Variants in MED13L observed in about 807,000 individuals in gnomAD.
The protein encoded by MED13L is mediator complex subunit 13L, also known as mediator of RNA polymerase II transcription subunit 13-like.
MED13L carries 7 observed loss-of-function variants against 220.9 expected under a neutral mutation model. The observed-to-expected ratio is 0.03, with a 90% confidence interval of 0.02 to 0.06. The LOEUF (loss-of-function observed/expected upper bound fraction) is 0.06. Among genes scored for constraint, MED13L ranks in the 10% least tolerant of loss-of-function variants. MED13L has a pLI of 1.00. For missense variants in MED13L, 1,965 were observed against 2,760.5 expected, an observed-to-expected ratio of 0.71 and a Z score of 6.46; for synonymous variants, 1,011 against 1,015.2, an observed-to-expected ratio of 1.00 and a Z score of 0.08.
intron 2 of MED13L, among the ~76,000 whole-genome samples, chr12:116,180,930 TC>T (rs1213121722): frequency 4.5e-5 from 5 of 111,406 alleles, no homozygotes; most frequent in Non-Finnish European, 9.0e-5. Flanking sequence ...TTTCTCTCTC[TC>T]TTTTTTTTTT....
rs1872771460 is a variant in MED13L at position 116,265,586 on chromosome 12, T to G, written c.72+11474A>C. Among the ~76,000 whole-genome samples the G allele has an allele frequency of 2.0e-5, 3 of 152,150 alleles. No individual in the cohort carries two copies. In the South Asian group the frequency reaches 6.2e-4, roughly 32 times the overall value. ...TCCAGTTTCTGAAATATTTGTCACTTTAGTCATTAGCATTTTGCGTAATAT... is the reference window on the plus strand; with the variant it reads ...TCCAGTTTCTGAAATATTTGTCACTGTAGTCATTAGCATTTTGCGTAATAT... On this transcript the variant is annotated intron_variant, in intron 1 of 30. Transcript: ENST00000281928.
chr12:116,251,083 T>A (rs1871508207), intron 1 of MED13L, among the ~76,000 whole-genome samples: 1 of 144,584 alleles, frequency 6.9e-6, no homozygotes. Context: ...AATTATTGGA[T>A]AAATAATAAA....
intron 2 of MED13L, among the ~76,000 whole-genome samples, chr12:116,201,982 A>G (rs1440423639): frequency 6.6e-6 from 1 of 152,216 alleles, no homozygotes; most frequent in Non-Finnish European, 1.5e-5. Context: ...TTGAAAATTT[A>G]AAGTTTTAGG....
rs141244423 is a variant in MED13L, at chr12:116,160,416, G to A, written c.311-48904C>T. Among the ~76,000 whole-genome samples the A allele has an allele frequency of 2.2e-3, 340 of 152,156 alleles. 1 individual carries two copies. Among genetic ancestry groups the A allele is most frequent in the Non-Finnish European group, 4.3e-3 (291 of 67,992 alleles). ...CATCATGATAGTGGCCAACTCTCTG[G>A]AGAGCCCTGCAATAGTCACCTGAGA... is the stretch of plus-strand genomic sequence containing the variant. On this transcript the variant is annotated intron_variant, in intron 2 of 30. Transcript: ENST00000281928.
chr12:116,220,101 G>A (rs999984301), intron 2 of MED13L, among the ~76,000 whole-genome samples: 1 of 151,892 alleles, frequency 6.6e-6, no homozygotes, highest in Non-Finnish European at 1.5e-5. Context: ...CAGCCTACCA[G>A]TTTTTAAAAT....
At chr12:116,055,160 G>A (rs1184744148) in intron 4 of MED13L, among the ~76,000 whole-genome samples, 2 of 152,118 alleles carry the variant, frequency 1.3e-5, no homozygotes, top group African/African-American at 4.8e-5. Context: ...CTTTGAGGGG[G>A]AAATGACTAA....
At chr12:116,111,751 C>T (rs1874109906) in intron 2 of MED13L, among the ~76,000 whole-genome samples, 1 of 152,112 alleles carries the variant, frequency 6.6e-6, no homozygotes, top group Non-Finnish European at 1.5e-5. Flanking sequence ...CATGGTGTAA[C>T]ACTCCTCCCA....
At chr12:116,270,527 A>G (rs1483308155) in intron 1 of MED13L, among the ~76,000 whole-genome samples, 1 of 152,174 alleles carries the variant, frequency 6.6e-6, no homozygotes, top group Non-Finnish European at 1.5e-5. Flanking sequence ...TAAAGCAAAG[A>G]CAGAAAACGC....
intron 2 of MED13L, among the ~76,000 whole-genome samples, chr12:116,205,945 T>TG (rs890505996): frequency 4.9e-5 from 7 of 142,920 alleles, no homozygotes; most frequent in East Asian, 2.0e-4. Flanking sequence ...AAAACTTGTT[T>TG]TTTTTTTTTT....
intron 3 of MED13L, among the ~76,000 whole-genome samples, chr12:116,106,593 C>T (rs1362950406): frequency 3.3e-5 from 5 of 151,980 alleles, no homozygotes; most frequent in African/African-American, 4.8e-5. Flanking sequence ...GCCTGTAGTC[C>T]CAGCACTGTG....
At chr12:116,221,687 TTA>T (rs557882063) in intron 2 of MED13L, among the ~76,000 whole-genome samples, 36 of 152,182 alleles carry the variant, frequency 2.4e-4, no homozygotes, top group Non-Finnish European at 5.1e-4. Context: ...AACAGGTTTA[TTA>T]TATATCATGC....
chr12:116,119,689 T>C (rs1361304261), intron 2 of MED13L, among the ~76,000 whole-genome samples: 2 of 150,912 alleles, frequency 1.3e-5, no homozygotes, highest in African/African-American at 4.9e-5. Context: ...CCTGCAGTCC[T>C]AGCTTCCTGG....
intron 1 of MED13L, among the ~76,000 whole-genome samples, chr12:116,258,933 TG>T (rs1159424061): frequency 4.0e-5 from 6 of 151,394 alleles, no homozygotes; most frequent in Middle Eastern, 3.4e-3. Context: ...TTTTTTTTTT[TG>T]TAGAGGCAGA....
At chr12:116,229,700 T>C (rs1276238271) in intron 2 of MED13L, among the ~76,000 whole-genome samples, 2 of 152,202 alleles carry the variant, frequency 1.3e-5, no homozygotes, top group Admixed American at 1.3e-4. Flanking sequence ...AGAACTGAGA[T>C]TATGATCTTA....
chr12:116,251,109 T>A, intron 1 of MED13L, among the ~76,000 whole-genome samples: 1 of 141,646 alleles, frequency 7.1e-6, no homozygotes. Flanking sequence ...CCATAAAAAA[T>A]ACTCAAAATA....
chr12:116,038,574 T>C (rs1215235716), intron 4 of MED13L, among the ~76,000 whole-genome samples: 1 of 151,976 alleles, frequency 6.6e-6, no homozygotes, highest in African/African-American at 2.4e-5. Context: ...TCTTGCCAGC[T>C]TGAAAGAAAC....
rs538845189 is a variant in MED13L at position 116,120,932 on chromosome 12, G to A, written c.311-9420C>T. On this transcript the variant is annotated intron_variant, in intron 2 of 30. Coordinates refer to ENST00000281928, the MANE Select transcript of MED13L (RefSeq NM_015335.5). ...TAAAATGCATGTAAAATAAATGAGT[G>A]ACAACAGTCAATCAAAACAAGGAAT... 1.8e-4 allele frequency among the ~76,000 whole-genome samples: 27 copies of A among 152,154 alleles called. No individual in the cohort carries two copies. In the Middle Eastern group the frequency reaches 0.01, roughly 58 times the overall value.
chr12:116,211,539 A>T (rs1390877986), intron 2 of MED13L, among the ~76,000 whole-genome samples: 1 of 152,224 alleles, frequency 6.6e-6, no homozygotes, highest in Non-Finnish European at 1.5e-5. Context: ...TAAACTAAGT[A>T]TCGGCCTACA....
In MED13L at chr12:115,997,024, G is replaced by T. The variant is rs947804085; in HGVS notation, c.2776C>A (p.Pro926Thr). 6.2e-7 allele frequency: 1 copy of T among 1,613,660 alleles called. No homozygotes were observed. The highest frequency in any genetic ancestry group is 8.5e-7 in the Non-Finnish European group (1 of 1,179,618). The change falls in exon 15 of 31, where the codon CCC becomes ACC. Residue 926 changes from proline to threonine, a missense_variant. By Grantham distance (38) the Pro-to-Thr change is conservative. This residue lies in a region of MED13L where 233 missense variants were observed against 306.2 expected (regional missense o/e 0.76). Transcript: ENST00000281928. ...EVEDGLGSPK[P>T]EEIKDFSYVH... ...TTGACAACTACCTTAATTTCCTCGG[G>T]CTTGGGACTTCCTAATCCATCTTCC...
Sources: allele counts gnomAD v4.1 joint callset (sites outside exome capture counted in the v4.1 genomes callset), GRCh38; gene constraint gnomAD v4.1.1; regional missense constraint gnomAD v4.1.1; transcripts MANE v1.5; gene names NCBI Gene and HGNC (gene_info 2026-07-23, HGNC 2026-07-21).